Variants in SUSD5 observed in about 807,000 individuals in gnomAD.
SUSD5 encodes the protein sushi domain containing 5, also known as sushi domain-containing protein 5.
SUSD5 carries 33 observed loss-of-function variants against 29.5 expected under a neutral mutation model. That is an observed-to-expected ratio of 1.12 (90% CI 0.85 to 1.49). The LOEUF is 1.49. SUSD5 is among the 40% of genes most tolerant of loss of function. SUSD5 has a pLI of 0.00. For missense variants in SUSD5, 776 were observed against 800.6 expected, an observed-to-expected ratio of 0.97 and a Z score of 0.37; for synonymous variants, 308 against 325.3, an observed-to-expected ratio of 0.95 and a Z score of 0.57.
rs79584145 is a variant in SUSD5, at chr3:33,150,700, C to T, written c.*2042G>A. 15 of 152,324 alleles carry T rather than the reference C, an allele frequency of 9.8e-5. No homozygotes were observed. In the East Asian group the frequency reaches 2.7e-3, roughly 27 times the overall value. The allele number at this position is 152,324 out of a possible 1,614,324, so 9.4% of individuals were successfully genotyped here. A position where few individuals can be genotyped will look rare whatever the true frequency, so the allele number is the denominator to read the frequency against. On this transcript the variant is annotated 3_prime_UTR_variant, in exon 5 of 5. Transcript: ENST00000309558. The stretch of plus-strand genomic sequence containing the variant: ...GGGAATAAGATCTTTGATTATGCTG[C>T]CTCTCTTTACAGCTACTTCGCCTAT...
chr3:33,170,144 C>A (rs1177766286), intron 4 of SUSD5, among the ~76,000 whole-genome samples: 1 of 151,900 alleles, frequency 6.6e-6, no homozygotes, highest in African/African-American at 2.4e-5. Context: ...GTCTTGAACT[C>A]CTGACCTCAA....
intron 3 of SUSD5, among the ~76,000 whole-genome samples, chr3:33,175,301 G>A (rs2031527078): frequency 6.6e-6 from 1 of 152,162 alleles, no homozygotes; most frequent in East Asian, 1.9e-4. Flanking sequence ...CACATAAAGT[G>A]CTGCAACTTT....
intron 3 of SUSD5, among the ~76,000 whole-genome samples, chr3:33,202,706 T>C (rs139345307): frequency 6.6e-6 from 1 of 152,350 alleles, no homozygotes; most frequent in East Asian, 1.9e-4. Flanking sequence ...AGGCAGCTTA[T>C]TTCATCAGAA....
intron 1 of SUSD5, among the ~76,000 whole-genome samples, chr3:33,215,573 T>C (rs2032415404): frequency 6.6e-6 from 1 of 152,174 alleles, no homozygotes; most frequent in Non-Finnish European, 1.5e-5. Context: ...ATAGGTGGTA[T>C]TATCATCCTC....
intron 2 of SUSD5, 122 bp from the exon 3 acceptor site, chr3:33,208,048 G>A: frequency 1.4e-6 from 1 of 697,264 alleles, no homozygotes; most frequent in Non-Finnish European, 2.4e-6. Context: ...AGCTCTGTCT[G>A]AAAGCATAAA....
chr3:33,202,724 G>A (rs956057420), intron 3 of SUSD5, among the ~76,000 whole-genome samples: 2 of 152,092 alleles, frequency 1.3e-5, no homozygotes, highest in Non-Finnish European at 2.9e-5. Context: ...GAATCCAGTT[G>A]GTTAAAAATA....
intron 3 of SUSD5, among the ~76,000 whole-genome samples, chr3:33,186,162 C>G (rs950322298): frequency 6.6e-6 from 1 of 151,732 alleles, no homozygotes; most frequent in Non-Finnish European, 1.5e-5. Context: ...ATTAGCTGGG[C>G]GTGGTGGCAG....
intron 3 of SUSD5, among the ~76,000 whole-genome samples, chr3:33,200,707 C>T (rs900319532): frequency 3.9e-5 from 6 of 152,142 alleles, no homozygotes; most frequent in African/African-American, 1.4e-4. Flanking sequence ...TTGGTAGGAA[C>T]ATGGACAATA....
chr3:33,202,713 A>C (rs2032143852), intron 3 of SUSD5, among the ~76,000 whole-genome samples: 1 of 152,262 alleles, frequency 6.6e-6, no homozygotes, highest in Non-Finnish European at 1.5e-5. Flanking sequence ...TTATTTCATC[A>C]GAATCCAGTT....
At chr3:33,173,532 T>C (rs566359847) in intron 4 of SUSD5, among the ~76,000 whole-genome samples, 1 of 152,208 alleles carries the variant, frequency 6.6e-6, no homozygotes, top group Non-Finnish European at 1.5e-5. Context: ...TAAATAGCAG[T>C]GAAGACTATA....
intron 3 of SUSD5, among the ~76,000 whole-genome samples, chr3:33,186,304 A>G (rs981561691): frequency 1.3e-5 from 2 of 152,150 alleles, no homozygotes; most frequent in African/African-American, 4.8e-5. Context: ...TGTGTCTCAA[A>G]AGAAAAAAAA....
chr3:33,201,154 A>AGCAGATAG (rs1559455312), intron 3 of SUSD5, among the ~76,000 whole-genome samples: 1 of 152,190 alleles, frequency 6.6e-6, no homozygotes, highest in Non-Finnish European at 1.5e-5. Flanking sequence ...GCTGTGGAAT[A>AGCAGATAG]GCATGTAGGC....
intron 3 of SUSD5, among the ~76,000 whole-genome samples, chr3:33,192,073 G>A (rs1305318779): frequency 6.9e-6 from 1 of 144,014 alleles, no homozygotes; most frequent in African/African-American, 2.5e-5. Flanking sequence ...TTATATTAAT[G>A]CGCATATTTT....
rs2030991165 is a variant in SUSD5 at position 33,154,013 on chromosome 3, C to T, written c.619G>A (p.Asp207Asn). 3 of 1,597,206 alleles carry T rather than the reference C, an allele frequency of 1.9e-6. No homozygotes were observed. The highest frequency in any genetic ancestry group is 2.6e-6 in the Non-Finnish European group (3 of 1,173,852). ...CGKDEAEAHI[D>N]YEDNFPDDRS... is the part of the protein sequence containing the mutation. ...TCATCAGGGAAGTTATCTTCATAGT[C>T]AATGTGTGCCTCAGCCTCATCTGGA... Residue 207 changes from aspartate (D) to asparagine (N), a missense_variant, in exon 5 of 5, where the codon GAC becomes AAC. Physicochemically the swap from Asp to Asn is conservative, Grantham distance 23. Transcript: ENST00000309558.
chr3:33,199,300 G>C (rs994979909), intron 3 of SUSD5, among the ~76,000 whole-genome samples: 1 of 151,870 alleles, frequency 6.6e-6, no homozygotes, highest in Non-Finnish European at 1.5e-5. Context: ...TTGAGACGGA[G>C]TCTCGCTCTG....
intron 3 of SUSD5, among the ~76,000 whole-genome samples, chr3:33,199,774 A>C (rs2032074382): frequency 6.6e-6 from 1 of 152,182 alleles, no homozygotes; most frequent in Non-Finnish European, 1.5e-5. Context: ...CGATTAGGCC[A>C]TGCTATGGTT....
At chr3:33,207,699 C>G (rs2032247081) in intron 3 of SUSD5, 109 bp downstream of exon 3, 1 of 649,236 alleles carries the variant, frequency 1.5e-6, no homozygotes, top group Non-Finnish European at 2.6e-6. Flanking sequence ...CCTGATAAAC[C>G]ATGTCTAGTA....
intron 2 of SUSD5, among the ~76,000 whole-genome samples, chr3:33,213,188 G>T (rs2032352902): frequency 6.6e-6 from 1 of 152,080 alleles, no homozygotes; most frequent in African/African-American, 2.4e-5. Context: ...CAGGAGGATT[G>T]CTTGAGGTCA....
In SUSD5 at chr3:33,153,691, G is replaced by A; in HGVS notation, c.941C>T (p.Thr314Ile). ...GTCTCCAGCAGAAAACTGCTTTTTG[G>A]TGTCATCATCCACCTCCTTTTCCAA... ...PGLEKEVDDD[T>I]KKQFSAGDNH... Residue 314 changes from threonine (T) to isoleucine (I), a missense_variant, in exon 5 of 5, where the codon ACC (threonine) becomes ATC (isoleucine). Physicochemically the swap from Thr to Ile is moderately conservative, Grantham distance 89. Coordinates refer to ENST00000309558, the MANE Select transcript of SUSD5 (RefSeq NM_015551.2). The A allele has an allele frequency of 6.2e-7, 1 of 1,614,000 alleles. No individual in the cohort carries two copies. The highest frequency in any genetic ancestry group is 1.3e-5 in the African/African-American group (1 of 75,036).
Sources: allele counts gnomAD v4.1 joint callset (sites outside exome capture counted in the v4.1 genomes callset), GRCh38; gene constraint gnomAD v4.1.1; transcripts MANE v1.5; gene names NCBI Gene and HGNC (gene_info 2026-07-23, HGNC 2026-07-21).